The following UBR4 variants were observed in gnomAD, a reference collection of about 807,000 sequenced individuals.
UBR4 encodes ubiquitin protein ligase E3 component n-recognin 4.
A neutral mutation model predicts 575.6 loss-of-function variants in UBR4; 124 were observed. The observed-to-expected ratio is 0.22, with a 90% CI of 0.19 to 0.25. The LOEUF (loss-of-function observed/expected upper bound fraction) is 0.25, where lower values mean the gene tolerates loss of function less well. Among genes scored for constraint, UBR4 ranks in the 10% least tolerant of loss-of-function variants. UBR4 has a pLI of 1.00. For missense variants in UBR4, 4,818 were observed against 6,478.8 expected (o/e 0.74, Z 8.80); for synonymous variants, 2,455 against 2,473.7 (o/e 0.99, Z 0.22).
In UBR4 at chr1:19,147,370, G is replaced by A. The variant is rs2085013105; in HGVS notation, c.7630-370C>T. The stretch of plus-strand genomic sequence containing the variant: ...ATTGTCTTTCCTTGAGAGACAGCAG[G>A]TTAAACTCACATTTCTCAGTTCTCC... On this transcript the variant is annotated intron_variant, in intron 51 of 105. Transcript: ENST00000375254. Among the ~76,000 whole-genome samples the A allele has an allele frequency of 3.9e-5, 6 of 152,256 alleles. No individual in the cohort carries two copies. In the South Asian group the frequency reaches 1.0e-3, roughly 26 times the overall value.
intron 81 of UBR4, 94 bp from the exon 82 acceptor site, chr1:19,107,060 T>C: frequency 1.3e-6 from 2 of 1,533,246 alleles, no homozygotes; most frequent in Non-Finnish European, 1.8e-6. Context: ...GGGGGTGATG[T>C]GCAAAGGCAA....
At chr1:19,114,702 G>C in intron 75 of UBR4, 109 bp downstream of exon 75, 1 of 1,409,992 alleles carries the variant, frequency 7.1e-7, no homozygotes, top group Non-Finnish European at 9.6e-7. Flanking sequence ...AACTGGTGTT[G>C]AGTCGAAGAA....
At chr1:19,120,940 G>T (rs1201371856) in intron 68 of UBR4, among the ~76,000 whole-genome samples, 2 of 152,198 alleles carry the variant, frequency 1.3e-5, no homozygotes, top group African/African-American at 2.4e-5. Context: ...AAGAAATTTG[G>T]TCTACTAAAA....
intron 13 of UBR4, 52 bp from the exon 14 acceptor site, chr1:19,186,709 TC>T: frequency 1.3e-6 from 2 of 1,534,788 alleles, no homozygotes; most frequent in Non-Finnish European, 1.8e-6. Flanking sequence ...ATCTCATGCA[TC>T]GCATGAAAAC....
At chr1:19,121,839 A>G in intron 67 of UBR4, 95 bp downstream of exon 67, 1 of 1,364,150 alleles carries the variant, frequency 7.3e-7, no homozygotes, top group Non-Finnish European at 1.0e-6. Context: ...TCACAGCTAT[A>G]TCTCCAGCAT....
chr1:19,209,084 C>CA (rs2093168623), intron 1 of UBR4, among the ~76,000 whole-genome samples: 1 of 152,176 alleles, frequency 6.6e-6, no homozygotes, highest in South Asian at 2.1e-4. Context: ...AGAAAAAGCA[C>CA]AAAAACAATT....
chr1:19,176,644 G>A lies in UBR4; in HGVS notation c.2721C>T (p.Leu907=), dbSNP rs1418051485. The A allele has an allele frequency of 2.5e-6, 4 of 1,614,078 alleles. No individual in the cohort carries two copies. Among genetic ancestry groups the A allele is most frequent in the Admixed American group, 1.7e-5 (1 of 60,022 alleles). The change falls in exon 20 of 106, where the codon CTC becomes CTT. Residue 907 remains leucine, a synonymous_variant. Coordinates refer to ENST00000375254, the MANE Select transcript of UBR4 (RefSeq NM_020765.3). The part of the protein sequence containing the change: ...DSNSRRATTP[L]YHGFKEVEEN... ...CTTCTACTTCTTTGAATCCATGATA[G>A]AGAGGAGTGGTTGCCCGGCGGCTGT...
intron 71 of UBR4, 176 bp from the exon 72 acceptor site, chr1:19,118,086 C>A: frequency 3.5e-6 from 2 of 578,084 alleles, no homozygotes; most frequent in Non-Finnish European, 6.1e-6. Flanking sequence ...TACGAAGCCA[C>A]AGGAAAGAAA....
Position 19,162,536 on chromosome 1 carries a change from T to C in UBR4, c.4840A>G (p.Asn1614Asp), listed in dbSNP as rs143384824. ...ADVTNALSQS[N>D]GQGPSHLSVD... The stretch of plus-strand genomic sequence containing the variant: ...GAGAGATGACTTGGGCCTTGACCAT[T>C]ACTCTGGCTCAGGGCATTCGTGACA... Residue 1614 changes from asparagine to aspartate, a missense_variant, in exon 35 of 106, where the codon AAT becomes GAT. Asn to Asp is a conservative substitution (Grantham distance 23, BLOSUM62 1). Around this residue, in one of 29 missense-constraint regions of UBR4, gnomAD observed 1,172 missense variants for 1,259.7 expected, o/e 0.93. Coordinates refer to ENST00000375254, the MANE Select transcript of UBR4 (RefSeq NM_020765.3). The C allele has an allele frequency of 6.2e-6, 10 of 1,614,062 alleles. No individual in the cohort carries two copies. In the African/African-American group the frequency reaches 1.3e-4, roughly 22 times the overall value.
At chr1:19,112,481 C>A in intron 78 of UBR4, 43 bp downstream of exon 78, 1 of 1,556,812 alleles carries the variant, frequency 6.4e-7, no homozygotes, top group Non-Finnish European at 8.7e-7. Flanking sequence ...CTGCCAGTGT[C>A]AGTAGGAACC....
chr1:19,087,739 CT>C, intron 99 of UBR4, 76 bp downstream of exon 99: 2 of 1,214,036 alleles, frequency 1.6e-6, no homozygotes, highest in Non-Finnish European at 2.4e-6. Context: ...ACAAAATGGC[CT>C]GGAGGAGGGG....
At chr1:19,204,804 T>A (rs758180061) in intron 1 of UBR4, among the ~76,000 whole-genome samples, 2 of 152,134 alleles carry the variant, frequency 1.3e-5, no homozygotes, top group Non-Finnish European at 2.9e-5. Flanking sequence ...AGAGAAGTAA[T>A]GGACATTGTC....
intron 11 of UBR4, 126 bp from the exon 12 acceptor site, chr1:19,187,666 A>C (rs1363831838): frequency 2.0e-5 from 16 of 791,604 alleles, no homozygotes; most frequent in Non-Finnish European, 3.0e-5. Flanking sequence ...CTTCAGAAAA[A>C]AAAAATTGTA....
At position 19,086,214 on chromosome 1, in the gene UBR4, T is replaced by C; in HGVS notation, c.14744A>G (p.Lys4915Arg). ...ESAALQNANT[K>R]CNGLLPVWGP... ...CCAGACCGGAAGGAGCCCGTTGCAC[T>C]TGGTGTTGGCATTCTGCAGGGCGGC... The change falls in exon 101 of 106, where the codon AAG becomes AGG. Residue 4915 changes from lysine (K) to arginine (R), a missense_variant. Coordinates refer to ENST00000375254, the MANE Select transcript of UBR4 (RefSeq NM_020765.3). 6.2e-7 allele frequency: 1 copy of C among 1,614,106 alleles called. No individual in the cohort carries two copies.
chr1:19,154,156 C>CTCCACTGTGAGGTTCCATG (rs1553187930), intron 44 of UBR4, among the ~76,000 whole-genome samples: 3 of 152,198 alleles, frequency 2.0e-5, no homozygotes, highest in African/African-American at 7.2e-5. Flanking sequence ...CATTTGGAGT[C>CTCCACTGTGAGGTTCCATG]TCCACTGTGA....
intron 1 of UBR4, among the ~76,000 whole-genome samples, chr1:19,203,155 G>A (rs1262000545): frequency 6.6e-6 from 1 of 152,096 alleles, no homozygotes; most frequent in Non-Finnish European, 1.5e-5. Flanking sequence ...AAGAACAACA[G>A]TGTGGTTGAA....
chr1:19,115,201 A>G (rs200844391), intron 74 of UBR4, among the ~76,000 whole-genome samples, 197 bp downstream of exon 74: 6 of 65,298 alleles, frequency 9.2e-5, no homozygotes, highest in East Asian at 1.6e-3. Context: ...GTGCACATGC[A>G]CACACACACA....
rs764951844 is a variant in UBR4 at position 19,193,560 on chromosome 1, GA to G, written c.1019-4del. On this transcript the variant is annotated splice_polypyrimidine_tract_variant and splice_region_variant and intron_variant, in intron 8 of 105. Transcript: ENST00000375254. ...CATGCACGTTGCCACACTCACACCTGAAAAAGAAGATGCACAGGTCTCAGCC... is the reference window on the plus strand; with the variant it reads ...CATGCACGTTGCCACACTCACACCTGAAAAGAAGATGCACAGGTCTCAGCC... 3.7e-6 allele frequency: 6 copies of G among 1,611,510 alleles called. No homozygotes were observed. The African/African-American group carries it at 6.7e-5, about 18-fold the overall frequency.
rs1557762925 is a variant in UBR4 at position 19,143,266 on chromosome 1, GAAAGAAAGAAAGAAAGAAAGAAAGA to G, written c.8179+689_8179+713del. On this transcript the variant is annotated intron_variant, in intron 55 of 105. Transcript: ENST00000375254. ...AGGAAGGAAGGAAGGAAGGAAGAAA[GAAAGAAAGAAAGAAAGAAAGAAAGA>G]AAGAAAGAAAGAAAGAAAGAAAGAA... is the stretch of plus-strand genomic sequence containing the variant. Among the ~76,000 whole-genome samples, 485 of 54,290 alleles carry G rather than the reference GAAAGAAAGAAAGAAAGAAAGAAAGA, an allele frequency of 8.9e-3. 4 individuals are homozygous for G. The highest frequency in any genetic ancestry group is 0.026 in the African/African-American group (427 of 16,598). 35.6% of individuals were successfully genotyped at this position (54,290 alleles called of 152,430 possible).
Sources: gnomAD v4.1 joint callset for allele counts (sites outside exome capture counted in the v4.1 genomes callset) on GRCh38, gnomAD v4.1.1 for gene constraint, gnomAD v4.1.1 regional missense constraint, MANE v1.5 for transcripts, NCBI Gene and HGNC (gene_info 2026-07-23, HGNC 2026-07-21) for gene names.